Variants in HABP2 observed in about 807,000 individuals in gnomAD.
HABP2 encodes factor VII-activating protease.
A neutral mutation model predicts 66.5 loss-of-function variants in HABP2; 65 were observed. The ratio of observed to expected loss-of-function variants is 0.98; its 90% CI spans 0.80 to 1.20. HABP2 has a LOEUF of 1.20. Among genes scored for constraint, HABP2 ranks in the 50% most tolerant of loss-of-function variants. The probability of loss-of-function intolerance (pLI) is 0.00; values close to 1 mark genes in which losing one functional copy is unlikely to be tolerated. For missense variants in HABP2, 786 were observed against 691.0 expected, an observed-to-expected ratio of 1.14 and a Z score of -1.54; for synonymous variants, 263 against 253.9, an observed-to-expected ratio of 1.04 and a Z score of -0.34.
upstream of HABP2, chr10:113,551,015 T>C (rs1442984396): frequency 6.6e-6 from 1 of 152,256 alleles, no homozygotes; most frequent in African/African-American, 2.4e-5. Context: ...GAAGTGTGCT[T>C]AAAATTTCAC....
Position 113,553,188 on chromosome 10 carries a change from G to C in HABP2, c.67G>C (p.Gly23Arg). 6.2e-7 allele frequency: 1 copy of C among 1,607,114 alleles called. No individual in the cohort carries two copies. Among genetic ancestry groups the C allele is most frequent in the Non-Finnish European group, 8.5e-7 (1 of 1,173,600 alleles). Residue 23 changes from glycine (G) to arginine (R), a missense_variant and splice_region_variant, in exon 1 of 13, where the codon GGG becomes CGG. Physicochemically the swap from Gly to Arg is moderately radical, Grantham distance 125. Coordinates refer to ENST00000351270, the MANE Select transcript of HABP2 (RefSeq NM_004132.5). The part of the protein sequence containing the change: ...LMALVGKTAC[G>R]FSLMSLLESL... ...GGCTCTGGTGGGAAAGACAGCCTGT[G>C]GGGTAAGTGTTCTTTTCTAATATTT...
chr10:113,586,570 G>C (rs1481992953), intron 12 of HABP2, among the ~76,000 whole-genome samples: 1 of 151,462 alleles, frequency 6.6e-6, no homozygotes, highest in Non-Finnish European at 1.5e-5. Flanking sequence ...GTGACTCAGA[G>C]ACACTGTTGC....
chr10:113,589,056 A>G lies in HABP2; in HGVS notation c.*687A>G, dbSNP rs765374824. 6 of 1,613,838 alleles carry G rather than the reference A, an allele frequency of 3.7e-6. No individual in the cohort carries two copies. The highest frequency in any genetic ancestry group is 5.1e-6 in the Non-Finnish European group (6 of 1,179,972). On this transcript the variant is annotated 3_prime_UTR_variant, in exon 13 of 13. Coordinates refer to ENST00000351270, the MANE Select transcript of HABP2 (RefSeq NM_004132.5). ...TCACCTCCCCACTCTGATGATCTCC[A>G]GCCTCCACTGCTTCTGCCCCCCGCT...
chr10:113,578,856 A>C, intron 7 of HABP2, 58 bp downstream of exon 7: 1 of 1,126,142 alleles, frequency 8.9e-7, no homozygotes, highest in Non-Finnish European at 1.3e-6. Context: ...AAAACAGATC[A>C]TTGAAATTCA....
At position 113,587,655 on chromosome 10, in the gene HABP2, C is replaced by A. The variant is rs76896119; in HGVS notation, c.1519-550C>A. ...TCCTCACCATCATCATCCTCGCCACCTTCCGTGAGGGTTTAATATGAACCA... is the reference window on the plus strand; with the variant it reads ...TCCTCACCATCATCATCCTCGCCACATTCCGTGAGGGTTTAATATGAACCA... On this transcript the variant is annotated intron_variant, in intron 12 of 12. Transcript: ENST00000351270. 1.6e-3 allele frequency among the ~76,000 whole-genome samples: 239 copies of A among 152,290 alleles called. 4 individuals are homozygous for A. The East Asian group carries it at 0.042, about 27-fold the overall frequency.
At chr10:113,587,242 G>C (rs1293224712) in intron 12 of HABP2, among the ~76,000 whole-genome samples, 1 of 152,132 alleles carries the variant, frequency 6.6e-6, no homozygotes, top group African/African-American at 2.4e-5. Context: ...GCTTGGACGT[G>C]GGAAACGGAG....
In HABP2 at chr10:113,583,360, C is replaced by T; in HGVS notation, c.1237+2C>T. The T allele has an allele frequency of 1.2e-6, 2 of 1,612,046 alleles. No homozygotes were observed. Among genetic ancestry groups the T allele is most frequent in the Non-Finnish European group, 1.7e-6 (2 of 1,178,120 alleles). On this transcript the variant is annotated splice_donor_variant, in intron 10 of 12. Coordinates refer to ENST00000351270, the MANE Select transcript of HABP2 (RefSeq NM_004132.5). LOFTEE classifies it low-confidence loss of function (GC_TO_GT_DONOR). ...ATGAGATTCCCCACAATGATATTGG[C>T]AAGTTCCTCTTTCATGGCTTTCCTG...
intron 5 of HABP2, among the ~76,000 whole-genome samples, chr10:113,577,602 C>A (rs909565497): frequency 2.6e-5 from 4 of 152,204 alleles, no homozygotes; most frequent in Non-Finnish European, 4.4e-5. Flanking sequence ...AATTTACGTT[C>A]TCTTTTGCTT....
chr10:113,567,557 C>T, intron 2 of HABP2, 32 bp downstream of exon 2: 1 of 1,546,658 alleles, frequency 6.5e-7, no homozygotes, highest in African/African-American at 1.4e-5. Context: ...GGGCTTCCCA[C>T]CAATCCCAGG....
chr10:113,586,475 TG>T (rs58042481), intron 12 of HABP2, among the ~76,000 whole-genome samples: 11,861 of 78,478 alleles, frequency 0.15, 478 homozygotes, highest in Non-Finnish European at 0.21. Flanking sequence ...TGTGTGTGTG[TG>T]GGGGGGGGGG....
Position 113,588,549 on chromosome 10 carries a change from C to T in HABP2, c.*180C>T. On this transcript the variant is annotated 3_prime_UTR_variant, in exon 13 of 13. Coordinates refer to ENST00000351270, the MANE Select transcript of HABP2 (RefSeq NM_004132.5). Reference sequence around the variant, plus strand: ...TCCCAGACCAGCATTTGCACAATATCACCAGGCTTCTTCTGCCTCCCTTGG... The same window carrying T: ...TCCCAGACCAGCATTTGCACAATATTACCAGGCTTCTTCTGCCTCCCTTGG... 1.8e-6 allele frequency: 1 copy of T among 552,960 alleles called. No homozygotes were observed. The highest frequency in any genetic ancestry group is 3.2e-6 in the Non-Finnish European group (1 of 315,348). The allele number at this position is 552,960 out of a possible 1,614,324, so 34.3% of individuals were successfully genotyped here. A position where few individuals can be genotyped will look rare whatever the true frequency, so the allele number is the denominator to read the frequency against.
chr10:113,584,267 G>GGTGTTACA lies in HABP2; in HGVS notation c.1359_1366dup (p.Glu456ValfsTer19). On this transcript the variant is annotated frameshift_variant, in exon 11 of 13. Coordinates refer to ENST00000351270, the MANE Select transcript of HABP2 (RefSeq NM_004132.5). LOFTEE classifies it high-confidence loss of function. ...GAGTGAGTGCCACATCTCTGGCTGG[G>GGTGTTACA]GTGTTACAGAAACAGGTGAGTCGGC... 6.2e-7 allele frequency: 1 copy of GGTGTTACA among 1,614,048 alleles called. No homozygotes were observed. Among genetic ancestry groups the GGTGTTACA allele is most frequent in the Non-Finnish European group, 8.5e-7 (1 of 1,179,916 alleles).
chr10:113,567,193 C>T (rs534726946), intron 1 of HABP2, among the ~76,000 whole-genome samples: 19 of 152,292 alleles, frequency 1.2e-4, no homozygotes, highest in Admixed American at 9.8e-4. Context: ...GACGAGCACA[C>T]CAGTACCTGG....
At chr10:113,567,385 C>T in intron 1 of HABP2, 104 bp from the exon 2 acceptor site, 1 of 837,042 alleles carries the variant, frequency 1.2e-6, no homozygotes. Flanking sequence ...AGAAAGCACG[C>T]AGTGCACCTG....
chr10:113,588,085 C>T (rs565157306), intron 12 of HABP2, 120 bp from the exon 13 acceptor site: 5 of 675,678 alleles, frequency 7.4e-6, no homozygotes, highest in Non-Finnish European at 1.2e-5. Context: ...TCCAGAGAAG[C>T]CCACGGAGGC....
At position 113,580,640 on chromosome 10, in the gene HABP2, C is replaced by A. The variant is rs764220891; in HGVS notation, c.786C>A (p.Thr262=). 1.1e-5 allele frequency: 18 copies of A among 1,605,106 alleles called. No individual in the cohort carries two copies. The highest frequency in any genetic ancestry group is 1.5e-5 in the Non-Finnish European group (18 of 1,172,026). Residue 262 remains threonine, a synonymous_variant, in exon 8 of 13, where the codon ACC becomes ACA. Coordinates refer to ENST00000351270, the MANE Select transcript of HABP2 (RefSeq NM_004132.5). ...AGCCCTGGTGCTTTATTAAAGTTAC[C>A]AATGACAAGGTGAAATGGGAATACT... ...DEKPWCFIKV[T]NDKVKWEYCD...
Position 113,578,121 on chromosome 10 carries a change from T to C in HABP2, c.544T>C (p.Phe182Leu), listed in dbSNP as rs1845447420. 6.2e-7 allele frequency: 1 copy of C among 1,614,116 alleles called. No homozygotes were observed. The highest frequency in any genetic ancestry group is 1.3e-5 in the African/African-American group (1 of 75,024). Residue 182 changes from phenylalanine (F) to leucine (L), a missense_variant, in exon 6 of 13, where the codon TTC becomes CTC. Transcript: ENST00000351270. ...GTTCACCTGTGCCTGTCCCGACCAG[T>C]TCAAGGGGAAATTCTGTGAAATAGG... ...SKFTCACPDQ[F>L]KGKFCEIGSD... is the part of the protein sequence containing the mutation.
chr10:113,567,919 C>G (rs958473215), intron 2 of HABP2, among the ~76,000 whole-genome samples: 1 of 152,212 alleles, frequency 6.6e-6, no homozygotes, highest in Non-Finnish European at 1.5e-5. Context: ...GCAGGCCGCT[C>G]CACCTCTTTT....
At chr10:113,585,570 G>A (rs1249494818) in intron 11 of HABP2, among the ~76,000 whole-genome samples, 1 of 152,128 alleles carries the variant, frequency 6.6e-6, no homozygotes, top group Non-Finnish European at 1.5e-5. Flanking sequence ...AAGAGAGGAG[G>A]GAATATACTA....
Sources: allele counts gnomAD v4.1 joint callset (sites outside exome capture counted in the v4.1 genomes callset), GRCh38; gene constraint gnomAD v4.1.1; transcripts MANE v1.5; gene names NCBI Gene and HGNC (gene_info 2026-07-23, HGNC 2026-07-21).